The following ADAM12 variants were observed in gnomAD, a reference collection of about 807,000 sequenced individuals.
The protein encoded by ADAM12 is ADAM metallopeptidase domain 12.
In ADAM12, 70 loss-of-function variants were observed where a neutral mutation model predicts 106.4. The observed-to-expected ratio is 0.66, with a 90% CI of 0.54 to 0.80. ADAM12 has a LOEUF of 0.80. Ranked by LOEUF, ADAM12 falls within the 30% of genes least tolerant of loss-of-function variation. The pLI is 0.00. For synonymous variants in ADAM12, 420 were observed against 433.5 expected (o/e 0.97, Z 0.39); for missense variants, 1,010 against 1,171.9 (o/e 0.86, Z 2.02).
intron 4 of ADAM12, among the ~76,000 whole-genome samples, chr10:126,150,227 G>A (rs1956704915): frequency 6.6e-6 from 1 of 152,180 alleles, no homozygotes; most frequent in African/African-American, 2.4e-5. Context: ...GATAGCCTCA[G>A]TGCTGAGTCT....
At chr10:126,129,238 A>C (rs2133658571) in intron 5 of ADAM12, among the ~76,000 whole-genome samples, 1 of 152,374 alleles carries the variant, frequency 6.6e-6, no homozygotes, top group East Asian at 1.9e-4. Context: ...TACCTGAGTC[A>C]GAGCTGAGAG....
intron 3 of ADAM12, among the ~76,000 whole-genome samples, chr10:126,163,474 T>C (rs1027631377): frequency 1.3e-5 from 2 of 152,252 alleles, no homozygotes; most frequent in Non-Finnish European, 2.9e-5. Context: ...AAGTTCTTCC[T>C]GATAAAATGT....
chr10:126,125,662 G>A (rs1956194105), intron 5 of ADAM12, among the ~76,000 whole-genome samples: 1 of 151,906 alleles, frequency 6.6e-6, no homozygotes, highest in South Asian at 2.1e-4. Context: ...GGGTTGAATA[G>A]TGTCCCCCCC....
At chr10:126,332,536 T>A (rs1854556864) in intron 1 of ADAM12, among the ~76,000 whole-genome samples, 1 of 151,896 alleles carries the variant, frequency 6.6e-6, no homozygotes, top group African/African-American at 2.4e-5. Context: ...TAAAAAAAAA[T>A]TAAGAAGAAA....
At chr10:126,321,301 AT>A (rs34842578) in intron 2 of ADAM12, among the ~76,000 whole-genome samples, 31 of 151,590 alleles carry the variant, frequency 2.0e-4, no homozygotes, top group Non-Finnish European at 3.5e-4. Context: ...TTAAAATATG[AT>A]TTTTTTTTCA....
At chr10:126,106,975 G>A (rs564402578) in intron 8 of ADAM12, among the ~76,000 whole-genome samples, 3 of 152,146 alleles carry the variant, frequency 2.0e-5, no homozygotes, top group Non-Finnish European at 4.4e-5. Context: ...CCGGGGCCTT[G>A]AGCACCGTGA....
At chr10:126,354,885 G>A (rs1029959694) in intron 1 of ADAM12, among the ~76,000 whole-genome samples, 6 of 151,932 alleles carry the variant, frequency 3.9e-5, no homozygotes, top group Admixed American at 6.6e-5. Context: ...TGTTGGAGGG[G>A]AGGCAAAATA....
chr10:126,017,542 C>T (rs979478659), intron 22 of ADAM12, among the ~76,000 whole-genome samples: 2 of 151,954 alleles, frequency 1.3e-5, no homozygotes, highest in African/African-American at 4.8e-5. Flanking sequence ...CAGCACTGTC[C>T]CACAGAAAAA....
chr10:126,088,871 G>A (rs1037234019), intron 11 of ADAM12, among the ~76,000 whole-genome samples: 5 of 152,124 alleles, frequency 3.3e-5, no homozygotes, highest in South Asian at 4.1e-4. Context: ...ACATGCTTGC[G>A]GGGAAGTAGG....
At chr10:126,056,551 T>C (rs1954635457) in intron 14 of ADAM12, among the ~76,000 whole-genome samples, 1 of 152,148 alleles carries the variant, frequency 6.6e-6, no homozygotes, top group Admixed American at 6.6e-5. Context: ...CTGCTTTAAT[T>C]TGGTAGTGGT....
intron 2 of ADAM12, among the ~76,000 whole-genome samples, chr10:126,290,606 C>A (rs750138937): frequency 6.6e-6 from 1 of 152,144 alleles, no homozygotes; most frequent in Admixed American, 6.5e-5. Context: ...GACAAGATAC[C>A]GTTTCACTTA....
At chr10:126,073,988 G>C (rs77801280) in intron 11 of ADAM12, among the ~76,000 whole-genome samples, 1 of 152,160 alleles carries the variant, frequency 6.6e-6, no homozygotes, top group African/African-American at 2.4e-5. Flanking sequence ...CAAAAAGAAA[G>C]AAAGAAAGAA....
At chr10:126,312,087 A>G (rs1961124877) in intron 2 of ADAM12, among the ~76,000 whole-genome samples, 1 of 144,900 alleles carries the variant, frequency 6.9e-6, no homozygotes, top group Admixed American at 7.1e-5. Flanking sequence ...ACTGAACTGT[A>G]GGACACCCAA....
At position 126,337,076 on chromosome 10, in the gene ADAM12, CAG is replaced by C. The variant is rs1346027699; in HGVS notation, c.89-6569_89-6568del. 2.5e-4 allele frequency among the ~76,000 whole-genome samples: 38 copies of C among 152,276 alleles called. 1 individual carries two copies. The highest frequency in any genetic ancestry group is 8.4e-4 in the African/African-American group (35 of 41,552). On this transcript the variant is annotated intron_variant, in intron 1 of 22. Transcript: ENST00000448723. ...ACCAACAGAATATGTGTATATAAAA[CAG>C]GGAGTTTATTAGGAAGAACTGGCTC... is the stretch of plus-strand genomic sequence containing the variant.
At chr10:126,298,458 C>T (rs767623304) in intron 2 of ADAM12, among the ~76,000 whole-genome samples, 41 of 151,982 alleles carry the variant, frequency 2.7e-4, no homozygotes, top group African/African-American at 4.1e-4. Context: ...AGTGAAAAAT[C>T]GGTCTGAAGA....
At chr10:126,365,655 C>T (rs922579589) in intron 1 of ADAM12, among the ~76,000 whole-genome samples, 1 of 152,128 alleles carries the variant, frequency 6.6e-6, no homozygotes, top group Non-Finnish European at 1.5e-5. Flanking sequence ...CCTTATAAAA[C>T]CATCAAATCT....
At chr10:126,050,821 C>T (rs1710280) in intron 14 of ADAM12, among the ~76,000 whole-genome samples, 62,671 of 152,070 alleles carry the variant, frequency 0.41, 13,185 homozygotes, top group East Asian at 0.51. Context: ...GTGTGCTCAG[C>T]GCTCCAATCT....
At position 126,330,375 on chromosome 10, in the gene ADAM12, C is replaced by T. The variant is rs369432878; in HGVS notation, c.186+37G>A. The T allele has an allele frequency of 1.0e-4, 158 of 1,538,070 alleles. No individual in the cohort carries two copies. In the African/African-American group the frequency reaches 1.7e-3, roughly 16 times the overall value. ...AGCAGCTAATGTGATTTAAAAGCTT[C>T]GGCAGTCTCAAAGCTGAGAAAAGGA... On this transcript the variant is annotated intron_variant, in intron 2 of 22. Transcript: ENST00000448723.
At chr10:126,201,575 C>G (rs74158384) in intron 3 of ADAM12, among the ~76,000 whole-genome samples, 3,073 of 152,154 alleles carry the variant, frequency 0.02, 92 homozygotes, top group East Asian at 0.096. Flanking sequence ...TGCGAGAGAC[C>G]GAGTTTCTGT....
Sources: gnomAD v4.1 joint callset for allele counts (sites outside exome capture counted in the v4.1 genomes callset) on GRCh38, gnomAD v4.1.1 for gene constraint, MANE v1.5 for transcripts, NCBI Gene and HGNC (gene_info 2026-07-23, HGNC 2026-07-21) for gene names.